The following HERC2 variants were observed in gnomAD, a reference collection of about 807,000 sequenced individuals.
HERC2 encodes the protein HECT and RLD domain containing E3 ubiquitin protein ligase 2.
Under a neutral mutation model 537.7 loss-of-function variants are expected in HERC2, and 102 were observed. The observed-to-expected ratio is 0.19, with a 90% CI of 0.16 to 0.22. The LOEUF is 0.22. Among genes scored for constraint, HERC2 ranks in the 10% least tolerant of loss-of-function variants. The pLI is 1.00. For missense variants in HERC2, 4,236 were observed against 6,198.2 expected, an observed-to-expected ratio of 0.68 and a Z score of 10.63; for synonymous variants, 2,224 against 2,466.2, an observed-to-expected ratio of 0.90 and a Z score of 2.91.
chr15:28,285,207 T>C (rs1045428267), intron 4 of HERC2, among the ~76,000 whole-genome samples: 7 of 152,134 alleles, frequency 4.6e-5, no homozygotes, highest in Admixed American at 3.9e-4. Flanking sequence ...CCAATCAAAA[T>C]TTACAGAACA....
At position 28,141,716 on chromosome 15, in the gene HERC2, T is replaced by G. The variant is rs776233038; in HGVS notation, c.11816+15A>C. 1.6e-5 allele frequency: 25 copies of G among 1,612,530 alleles called. No homozygotes were observed. Among genetic ancestry groups the G allele is most frequent in the Middle Eastern group, 1.7e-4 (1 of 6,060 alleles). Reference sequence around the variant, plus strand: ...ACTCACGATCGACATTACTGCTTGTTTCTAATATAATAACCTGTTCATCCA... The same window carrying G: ...ACTCACGATCGACATTACTGCTTGTGTCTAATATAATAACCTGTTCATCCA... On this transcript the variant is annotated intron_variant, in intron 77 of 92. Transcript: ENST00000261609.
chr15:28,246,036 A>G lies in HERC2; in HGVS notation c.3422T>C (p.Ile1141Thr), dbSNP rs1903678454. 1 of 1,611,686 alleles carries G rather than the reference A, an allele frequency of 6.2e-7. No individual in the cohort carries two copies. The highest frequency in any genetic ancestry group is 1.7e-5 in the Admixed American group (1 of 59,578). Residue 1141 changes from isoleucine (I) to threonine (T), a missense_variant, in exon 23 of 93, where the codon ATA becomes ACA. Transcript: ENST00000261609. ...GVLLPELVVSIVLLLSKNAGL... is the reference protein window; with the variant it reads ...GVLLPELVVSTVLLLSKNAGL... ...AGCATTTTTACTGAGCAGAAGCACT[A>G]TAGAAACTACTAGTTCTGGAAGGAG... is the stretch of plus-strand genomic sequence containing the variant.
chr15:28,174,568 G>A lies in HERC2; in HGVS notation c.9884C>T (p.Thr3295Met), dbSNP rs768347272. Residue 3295 changes from threonine to methionine, a missense_variant, in exon 65 of 93, where the codon ACG becomes ATG. Around this residue, in one of 27 missense-constraint regions of HERC2, gnomAD observed 93 missense variants for 265.1 expected, o/e 0.35. Coordinates refer to ENST00000261609, the MANE Select transcript of HERC2 (RefSeq NM_004667.6). ...DHGQQGNGTT[T>M]VNRKPTLVQG... ...CACGAGTGTGGGCTTCCTGTTAACC[G>A]TGGTCGTGCCATTGCCCTGCTGGCC... is the stretch of plus-strand genomic sequence containing the variant. 2.4e-5 allele frequency: 38 copies of A among 1,613,696 alleles called. No individual in the cohort carries two copies. The highest frequency in any genetic ancestry group is 1.7e-4 in the Middle Eastern group (1 of 5,886).
rs377223915 is a variant in HERC2 at position 28,198,481 on chromosome 15, A to T, written c.7908T>A (p.Ser2636=). The change falls in exon 50 of 93, where the codon TCT becomes TCA. Residue 2636 remains serine (S), a synonymous_variant. Transcript: ENST00000261609. ...CTTTATCACCAATCTTGATGTGAGA[A>T]GAAGAACTTGGTGGAGGATAGCCTA... ...ELIGYPPPSS[S]SHIKIGDKVR... The T allele has an allele frequency of 1.3e-4, 213 of 1,614,000 alleles. No homozygotes were observed. The highest frequency in any genetic ancestry group is 1.7e-4 in the Non-Finnish European group (206 of 1,180,006).
intron 70 of HERC2, among the ~76,000 whole-genome samples, chr15:28,150,362 C>T (rs1010934235): frequency 6.7e-6 from 1 of 149,374 alleles, no homozygotes; most frequent in African/African-American, 2.5e-5. Flanking sequence ...AGAACATCAC[C>T]GAGAACAGCC....
At chr15:28,256,902 T>C (rs2075280414) in intron 17 of HERC2, among the ~76,000 whole-genome samples, 159 bp downstream of exon 17, 1 of 152,198 alleles carries the variant, frequency 6.6e-6, no homozygotes, top group Admixed American at 6.5e-5. Flanking sequence ...GCCCAGATCA[T>C]GTTTTTTAAG....
At chr15:28,227,139 G>T (rs1358580585) in intron 35 of HERC2, among the ~76,000 whole-genome samples, 1 of 152,142 alleles carries the variant, frequency 6.6e-6, no homozygotes, top group African/African-American at 2.4e-5. Context: ...GCCAGGTGTG[G>T]TGGTGTGTGA....
chr15:28,210,362 T>A (rs1427904461), intron 44 of HERC2, among the ~76,000 whole-genome samples: 1 of 152,206 alleles, frequency 6.6e-6, no homozygotes, highest in African/African-American at 2.4e-5. Context: ...CTCTAGCTCC[T>A]GACCTCGTGA....
intron 57 of HERC2, among the ~76,000 whole-genome samples, chr15:28,179,771 G>C (rs1158197307): frequency 1.3e-5 from 2 of 152,052 alleles, no homozygotes; most frequent in Non-Finnish European, 2.9e-5. Context: ...TATGTGTTTG[G>C]GTCTTAGTTT....
chr15:28,135,102 G>A (rs566507274), intron 79 of HERC2, among the ~76,000 whole-genome samples: 1 of 152,212 alleles, frequency 6.6e-6, no homozygotes, highest in East Asian at 1.9e-4. Context: ...TACAAATGGT[G>A]TCAATTGTGC....
chr15:28,134,320 T>A (rs1196253298), intron 79 of HERC2, among the ~76,000 whole-genome samples: 1 of 152,234 alleles, frequency 6.6e-6, no homozygotes, highest in Non-Finnish European at 1.5e-5. Context: ...ATTGATCTTC[T>A]ATCCCGCAAC....
At chr15:28,197,753 T>C (rs1010351961) in intron 50 of HERC2, among the ~76,000 whole-genome samples, 1 of 152,058 alleles carries the variant, frequency 6.6e-6, no homozygotes. Flanking sequence ...GAAAAAGCAG[T>C]CCTGACAGTC....
chr15:28,263,492 G>T (rs2075468571), intron 14 of HERC2, among the ~76,000 whole-genome samples: 1 of 152,156 alleles, frequency 6.6e-6, no homozygotes, highest in African/African-American at 2.4e-5. Context: ...CAGTAACTGG[G>T]GCCTGGCACA....
rs12904487 is a variant in HERC2, at chr15:28,214,541, G to T, written c.6358+114C>A. Reference sequence around the variant, plus strand: ...GGGAGACGGCCACCCACCTCTGAGTGACGGCACTGCGCCGCTCTTCACCAG... The same window carrying T: ...GGGAGACGGCCACCCACCTCTGAGTTACGGCACTGCGCCGCTCTTCACCAG... On this transcript the variant is annotated intron_variant, in intron 40 of 92. Coordinates refer to ENST00000261609, the MANE Select transcript of HERC2 (RefSeq NM_004667.6). 1.1e-4 allele frequency: 146 copies of T among 1,299,320 alleles called. 1 individual carries two copies. The East Asian group carries it at 3.3e-3, about 29-fold the overall frequency. The allele number at this position is 1,299,320 out of a possible 1,614,324, so 80.5% of individuals were successfully genotyped here.
At chr15:28,118,517 A>C (rs1234384842) in intron 86 of HERC2, 1 of 152,276 alleles carries the variant, frequency 6.6e-6, no homozygotes, top group Non-Finnish European at 1.5e-5. Flanking sequence ...AGTATAAAAA[A>C]GTTTTTATGT....
chr15:28,160,011 T>C (rs1400444734), intron 69 of HERC2, among the ~76,000 whole-genome samples: 2 of 152,244 alleles, frequency 1.3e-5, no homozygotes, highest in African/African-American at 2.4e-5. Context: ...CAGACTCTGT[T>C]TGCCTGGGTA....
intron 44 of HERC2, 120 bp downstream of exon 44, chr15:28,210,882 A>T: frequency 2.0e-6 from 2 of 1,021,520 alleles, no homozygotes; most frequent in Non-Finnish European, 3.1e-6. Flanking sequence ...GGCAGGCCAC[A>T]TGTCTGTCTT....
chr15:28,237,658 T>C (rs1236755398), intron 25 of HERC2, among the ~76,000 whole-genome samples: 1 of 152,256 alleles, frequency 6.6e-6, no homozygotes, highest in African/African-American at 2.4e-5. Flanking sequence ...CCTGCCCTAA[T>C]GGCATTTAAT....
rs759972326 is a variant in HERC2, at chr15:28,238,662, C to T, written c.3688G>A (p.Gly1230Arg). 8 of 1,611,436 alleles carry T rather than the reference C, an allele frequency of 5.0e-6. No homozygotes were observed. The highest frequency in any genetic ancestry group is 5.9e-6 in the Non-Finnish European group (7 of 1,179,518). ...AAGTCCTTTATATCATACACCTTCCCGTCAATCACAGTCCAGAAGCCTCCA... is the reference window on the plus strand; with the variant it reads ...AAGTCCTTTATATCATACACCTTCCTGTCAATCACAGTCCAGAAGCCTCCA... Reference protein sequence around the residue: ...KDGGFWTVIDGKVYDIKDFQT... With the variant: ...KDGGFWTVIDRKVYDIKDFQT... Residue 1230 changes from glycine to arginine, a missense_variant, in exon 24 of 93, where the codon GGG becomes AGG. Gly to Arg is a moderately radical substitution (Grantham distance 125). Coordinates refer to ENST00000261609, the MANE Select transcript of HERC2 (RefSeq NM_004667.6).
Sources: allele counts gnomAD v4.1 joint callset (sites outside exome capture counted in the v4.1 genomes callset), GRCh38; gene constraint gnomAD v4.1.1; regional missense constraint gnomAD v4.1.1; transcripts MANE v1.5; gene names NCBI Gene and HGNC (gene_info 2026-07-23, HGNC 2026-07-21).